The following CSMD2 variants were observed in gnomAD, a reference collection of about 807,000 sequenced individuals.
CSMD2 encodes CUB and sushi domain-containing protein 2.
Under a neutral mutation model 398.5 loss-of-function variants are expected in CSMD2, and 130 were observed. The observed-to-expected ratio is 0.33, with a 90% CI of 0.28 to 0.38. The LOEUF is 0.38. Among genes scored for constraint, CSMD2 ranks in the 10% least tolerant of loss-of-function variants. The pLI is 1.00. For missense variants in CSMD2, 3,829 were observed against 4,764.9 expected, an observed-to-expected ratio of 0.80 and a Z score of 5.78; for synonymous variants, 1,828 against 1,908.5, an observed-to-expected ratio of 0.96 and a Z score of 1.10.
chr1:34,075,776 C>G (rs971770955), intron 2 of CSMD2, among the ~76,000 whole-genome samples: 6 of 152,188 alleles, frequency 3.9e-5, no homozygotes, highest in Non-Finnish European at 8.8e-5. Flanking sequence ...GGATGTCTGC[C>G]AGCACGGAGA....
intron 31 of CSMD2, among the ~76,000 whole-genome samples, chr1:33,634,617 T>TGCCAAC (rs1430278903): frequency 6.6e-6 from 1 of 152,248 alleles, no homozygotes; most frequent in African/African-American, 2.4e-5. Flanking sequence ...ATGTCCCCAC[T>TGCCAAC]GCCAACCAGG....
intron 3 of CSMD2, among the ~76,000 whole-genome samples, chr1:33,991,167 G>A (rs1353086793): frequency 6.6e-6 from 1 of 151,954 alleles, no homozygotes; most frequent in Non-Finnish European, 1.5e-5. Context: ...CACCATGTCT[G>A]GTTGATATTT....
intron 3 of CSMD2, among the ~76,000 whole-genome samples, chr1:33,936,998 C>A (rs1343699953): frequency 6.6e-6 from 1 of 152,214 alleles, no homozygotes; most frequent in Non-Finnish European, 1.5e-5. Context: ...CACTTCCCAG[C>A]CTGAAATCTT....
At chr1:33,696,461 A>G (rs949980146) in intron 24 of CSMD2, among the ~76,000 whole-genome samples, 1 of 152,238 alleles carries the variant, frequency 6.6e-6, no homozygotes, top group Admixed American at 6.5e-5. Context: ...GGAGGTGCCA[A>G]CCTGATTGAA....
intron 5 of CSMD2, among the ~76,000 whole-genome samples, chr1:33,875,161 C>G (rs553487216): frequency 1.3e-5 from 2 of 152,320 alleles, no homozygotes; most frequent in East Asian, 3.9e-4. Context: ...AGACAACAGC[C>G]TCCAATGTCA....
intron 26 of CSMD2, among the ~76,000 whole-genome samples, chr1:33,661,282 C>G (rs1644123719): frequency 6.6e-6 from 1 of 152,160 alleles, no homozygotes. Context: ...CTTCTTTCCC[C>G]AGAGAGTGGA....
intron 3 of CSMD2, among the ~76,000 whole-genome samples, chr1:33,954,532 A>G (rs537800501): frequency 3.3e-5 from 5 of 152,268 alleles, no homozygotes; most frequent in Non-Finnish European, 7.4e-5. Flanking sequence ...CACTATCACA[A>G]CAGCCAAGCG....
intron 5 of CSMD2, among the ~76,000 whole-genome samples, chr1:33,900,835 C>T (rs1642706581): frequency 6.6e-6 from 1 of 151,970 alleles, no homozygotes; most frequent in Admixed American, 6.5e-5. Flanking sequence ...ATATAAAAAC[C>T]TTAGTACAGT....
chr1:33,662,971 G>A lies in CSMD2; in HGVS notation c.4174C>T (p.His1392Tyr). The A allele has an allele frequency of 6.2e-7, 1 of 1,614,184 alleles. No individual in the cohort carries two copies. Among genetic ancestry groups the A allele is most frequent in the Non-Finnish European group, 8.5e-7 (1 of 1,180,030 alleles). The stretch of plus-strand genomic sequence containing the variant: ...AGGACGACCGAGTTGAAGGTGCTAT[G>A]CAGGTCCTTGGGCAGGGCCGGGCCA... ...LSGPALPKDLHSTFNSVVLQF... is the reference protein window; with the variant it reads ...LSGPALPKDLYSTFNSVVLQF... Residue 1392 changes from histidine (H) to tyrosine (Y), a missense_variant, in exon 26 of 71, where the codon CAT becomes TAT. By Grantham distance (83) the His-to-Tyr change is moderately conservative. Around this residue, in one of 5 missense-constraint regions of CSMD2, gnomAD observed 2,001 missense variants for 2,567.1 expected, o/e 0.78. Coordinates refer to ENST00000373381, the MANE Select transcript of CSMD2 (RefSeq NM_001281956.2).
chr1:33,642,361 AAAAAGG>A (rs1402217700), intron 29 of CSMD2, among the ~76,000 whole-genome samples: 1 of 151,576 alleles, frequency 6.6e-6, no homozygotes, highest in African/African-American at 2.4e-5. Context: ...AAAAAAAAAA[AAAAAGG>A]AAAGAAAACA....
chr1:33,986,386 C>T (rs975013084), intron 3 of CSMD2, among the ~76,000 whole-genome samples: 1 of 152,164 alleles, frequency 6.6e-6, no homozygotes, highest in Non-Finnish European at 1.5e-5. Flanking sequence ...ACATCCTTGG[C>T]ATAGCAAGGA....
intron 13 of CSMD2, among the ~76,000 whole-genome samples, chr1:33,768,375 T>C (rs1451448550): frequency 6.6e-6 from 1 of 152,146 alleles, no homozygotes; most frequent in East Asian, 1.9e-4. Context: ...ATGTGTTAAA[T>C]ATCCTATAAT....
At chr1:34,026,848 C>T (rs897541723) in intron 3 of CSMD2, among the ~76,000 whole-genome samples, 13 of 152,062 alleles carry the variant, frequency 8.5e-5, no homozygotes, top group African/African-American at 1.2e-4. Flanking sequence ...TGCAGGCTTC[C>T]ATGAACTCGG....
At chr1:34,150,380 T>C (rs1441311023) in intron 1 of CSMD2, among the ~76,000 whole-genome samples, 1 of 152,192 alleles carries the variant, frequency 6.6e-6, no homozygotes, top group Admixed American at 6.5e-5. Context: ...CCACTGCACC[T>C]GGCCAGAATC....
chr1:33,929,194 C>T (rs1049426331), intron 4 of CSMD2, among the ~76,000 whole-genome samples: 6 of 152,070 alleles, frequency 3.9e-5, no homozygotes, highest in Non-Finnish European at 1.5e-5. Flanking sequence ...GGCTGTATCC[C>T]CAAAGCACAG....
At chr1:33,915,711 G>A (rs962953850) in intron 5 of CSMD2, among the ~76,000 whole-genome samples, 6 of 152,316 alleles carry the variant, frequency 3.9e-5, no homozygotes, top group South Asian at 4.1e-4. Context: ...AAGGGTATTC[G>A]TCTTGGCACC....
chr1:33,819,601 G>A (rs542979364), intron 9 of CSMD2, 112 bp downstream of exon 9: 1 of 889,440 alleles, frequency 1.1e-6, no homozygotes, highest in Non-Finnish European at 1.7e-6. Context: ...AGTGAGGGGG[G>A]AGGGGAGCCA....
intron 3 of CSMD2, among the ~76,000 whole-genome samples, chr1:33,999,918 T>C (rs1646848127): frequency 6.6e-6 from 1 of 152,206 alleles, no homozygotes; most frequent in African/African-American, 2.4e-5. Flanking sequence ...TGTATAACTA[T>C]TAAACAACAC....
At position 33,693,022 on chromosome 1, in the gene CSMD2, C is replaced by A. The variant is rs748847880; in HGVS notation, c.3960G>T (p.Ser1320=). The A allele has an allele frequency of 5.6e-6, 9 of 1,603,222 alleles. No homozygotes were observed. The part of the protein sequence containing the change: ...ECGGTVRGEV[S]GQVLSPGYPA... The stretch of plus-strand genomic sequence containing the variant: ...GATACCCGGGTGACAGCACCTGCCC[C>A]GACACCTCTCCTCTCACTGTCCCTC... Residue 1320 remains serine, a synonymous_variant, in exon 25 of 71, where the codon TCG becomes TCT. Coordinates refer to ENST00000373381, the MANE Select transcript of CSMD2 (RefSeq NM_001281956.2).
Sources: allele counts gnomAD v4.1 joint callset (sites outside exome capture counted in the v4.1 genomes callset), GRCh38; gene constraint gnomAD v4.1.1; regional missense constraint gnomAD v4.1.1; transcripts MANE v1.5; gene names NCBI Gene and HGNC (gene_info 2026-07-23, HGNC 2026-07-21).